Variants in ARHGAP15 observed in about 807,000 individuals in gnomAD.
The protein encoded by ARHGAP15 is Rho GTPase activating protein 15, also known as rho GTPase-activating protein 15.
Under a neutral mutation model 63.7 loss-of-function variants are expected in ARHGAP15, and 51 were observed. That is an observed-to-expected ratio of 0.80 (90% CI 0.64 to 1.01). The LOEUF (loss-of-function observed/expected upper bound fraction) is 1.01, where lower values mean the gene tolerates loss of function less well. Among genes scored for constraint, ARHGAP15 ranks in the 50% least tolerant of loss-of-function variants. ARHGAP15 has a pLI of 0.00. For missense variants in ARHGAP15, 560 were observed against 564.6 expected (o/e 0.99, Z 0.08); for synonymous variants, 191 against 193.8 (o/e 0.99, Z 0.12).
At chr2:143,397,862 A>G (rs922800264) in intron 6 of ARHGAP15, among the ~76,000 whole-genome samples, 1 of 152,132 alleles carries the variant, frequency 6.6e-6, no homozygotes, top group African/African-American at 2.4e-5. Flanking sequence ...AAATGTATAT[A>G]GATAGATTCA....
At chr2:143,433,008 T>C (rs532898093) in intron 6 of ARHGAP15, among the ~76,000 whole-genome samples, 1 of 152,150 alleles carries the variant, frequency 6.6e-6, no homozygotes, top group South Asian at 2.1e-4. Context: ...TCAAAGCCTT[T>C]ATGTCTGTTA....
chr2:143,251,449 A>G (rs2104980676), intron 6 of ARHGAP15, among the ~76,000 whole-genome samples: 1 of 152,080 alleles, frequency 6.6e-6, no homozygotes, highest in Admixed American at 6.5e-5. Context: ...CTTTGCTGAA[A>G]TTAATATTGG....
chr2:143,645,732 A>G (rs1315123063), intron 12 of ARHGAP15, among the ~76,000 whole-genome samples: 1 of 152,112 alleles, frequency 6.6e-6, no homozygotes, highest in African/African-American at 2.4e-5. Flanking sequence ...ATACTATTGA[A>G]GCATCACGTG....
rs571594683 is a variant in ARHGAP15, at chr2:143,592,023, T to C, written c.1004-32110T>C. Among the ~76,000 whole-genome samples the C allele has an allele frequency of 4.6e-5, 7 of 152,326 alleles. No individual in the cohort carries two copies. In the South Asian group the frequency reaches 6.2e-4, roughly 14 times the overall value. On this transcript the variant is annotated intron_variant, in intron 11 of 13. Coordinates refer to ENST00000295095, the MANE Select transcript of ARHGAP15 (RefSeq NM_018460.4). ...AATAAAGCACTATAGTCCATATCTCTGTTTCAAATATTATTTATTAAATTC... is the reference window on the plus strand; with the variant it reads ...AATAAAGCACTATAGTCCATATCTCCGTTTCAAATATTATTTATTAAATTC...
intron 8 of ARHGAP15, among the ~76,000 whole-genome samples, chr2:143,470,420 T>C (rs1267985885): frequency 6.6e-6 from 1 of 151,678 alleles, no homozygotes; most frequent in Non-Finnish European, 1.5e-5. Context: ...ATTAGGTGGT[T>C]TATTTTCTTA....
At chr2:143,629,169 A>C (rs1351881775) in intron 12 of ARHGAP15, among the ~76,000 whole-genome samples, 1 of 128,720 alleles carries the variant, frequency 7.8e-6, no homozygotes, top group Admixed American at 8.7e-5. Flanking sequence ...ACTTTTTAAA[A>C]TAACTTCTTT....
At chr2:143,413,966 T>TGTGCGC in intron 6 of ARHGAP15, among the ~76,000 whole-genome samples, 35 of 117,922 alleles carry the variant, frequency 3.0e-4, no homozygotes, top group African/African-American at 9.9e-4. Context: ...TGTGTGTGTG[T>TGTGCGC]GCGCGCTCTC....
At chr2:143,353,271 C>A (rs1285501287) in intron 6 of ARHGAP15, among the ~76,000 whole-genome samples, 2 of 152,036 alleles carry the variant, frequency 1.3e-5, no homozygotes, top group African/African-American at 4.8e-5. Flanking sequence ...GCCTGGACAA[C>A]AATGTGAGAT....
rs143598930 is a variant in ARHGAP15 at position 143,384,943 on chromosome 2, A to G, written c.475-50658A>G. On this transcript the variant is annotated intron_variant, in intron 6 of 13. Coordinates refer to ENST00000295095, the MANE Select transcript of ARHGAP15 (RefSeq NM_018460.4). ...TCTTTACTTTGGAACACTGAATAAG[A>G]CATTCCTTTATAGAAAGATACTTTG... 3.5e-4 allele frequency among the ~76,000 whole-genome samples: 54 copies of G among 152,318 alleles called. No individual in the cohort carries two copies. The East Asian group carries it at 9.4e-3, about 27-fold the overall frequency.
In ARHGAP15 at chr2:143,637,138, C is replaced by T. The variant is rs1680359845; in HGVS notation, c.1138+12871C>T. On this transcript the variant is annotated intron_variant, in intron 12 of 13. Coordinates refer to ENST00000295095, the MANE Select transcript of ARHGAP15 (RefSeq NM_018460.4). ...AAAGACCCTTCTCCAAATACCATCA[C>T]ATTGAGGGTTAGGGCTTCAATGTAT... 4.6e-5 allele frequency among the ~76,000 whole-genome samples: 7 copies of T among 152,054 alleles called. No individual in the cohort carries two copies. The South Asian group carries it at 1.4e-3, about 31-fold the overall frequency.
intron 11 of ARHGAP15, among the ~76,000 whole-genome samples, chr2:143,613,711 G>T (rs772528663): frequency 1.3e-5 from 2 of 152,072 alleles, no homozygotes; most frequent in Non-Finnish European, 2.9e-5. Context: ...TTCTTTCTCT[G>T]CACCTGTTTC....
At chr2:143,724,265 G>A (rs1008634434) in intron 13 of ARHGAP15, among the ~76,000 whole-genome samples, 6 of 152,144 alleles carry the variant, frequency 3.9e-5, no homozygotes, top group Non-Finnish European at 8.8e-5. Flanking sequence ...CTCTAACCGT[G>A]TCACCTTGGA....
At chr2:143,403,293 A>G (rs1688065315) in intron 6 of ARHGAP15, among the ~76,000 whole-genome samples, 1 of 151,744 alleles carries the variant, frequency 6.6e-6, no homozygotes, top group African/African-American at 2.4e-5. Context: ...TTTTCTTTCA[A>G]CACTCCACTT....
chr2:143,701,459 C>T (rs1018493067), intron 12 of ARHGAP15, among the ~76,000 whole-genome samples: 6 of 152,120 alleles, frequency 3.9e-5, no homozygotes, highest in Non-Finnish European at 5.9e-5. Flanking sequence ...GTGGGCCAGG[C>T]GTGGTGGCTT....
intron 12 of ARHGAP15, among the ~76,000 whole-genome samples, chr2:143,635,194 CTTTTTT>C (rs10558886): frequency 1.5e-4 from 4 of 26,882 alleles, no homozygotes; most frequent in African/African-American, 3.4e-4. Flanking sequence ...CTCTCAGGAG[CTTTTTT>C]TTTTTTTTTT....
At chr2:143,749,712 ATTATAT>A (rs879624291) in intron 13 of ARHGAP15, among the ~76,000 whole-genome samples, 11 of 152,068 alleles carry the variant, frequency 7.2e-5, no homozygotes, top group African/African-American at 1.4e-4. Context: ...ATCATAACAC[ATTATAT>A]TTATATGTTT....
rs759228598 is a variant in ARHGAP15, at chr2:143,205,676, AC to A, written c.234+3477del. On this transcript the variant is annotated intron_variant, in intron 3 of 13. Transcript: ENST00000295095. Reference sequence around the variant, plus strand: ...ACAGAAATGAAATCCCTCAAGTTGAACCCTTCATCAGTGCCTTCTCAAACTG... The same window carrying A: ...ACAGAAATGAAATCCCTCAAGTTGAACCTTCATCAGTGCCTTCTCAAACTG... 9.9e-5 allele frequency among the ~76,000 whole-genome samples: 15 copies of A among 152,020 alleles called. 1 individual carries two copies. In the South Asian group the frequency reaches 1.0e-3, roughly 11 times the overall value.
intron 9 of ARHGAP15, among the ~76,000 whole-genome samples, chr2:143,511,124 A>C (rs986149632): frequency 6.6e-6 from 1 of 152,236 alleles, no homozygotes; most frequent in Non-Finnish European, 1.5e-5. Flanking sequence ...TAACCTGGTT[A>C]TGCTGATGAA....
At chr2:143,654,671 T>C (rs1402322048) in intron 12 of ARHGAP15, among the ~76,000 whole-genome samples, 1 of 152,222 alleles carries the variant, frequency 6.6e-6, no homozygotes, top group East Asian at 1.9e-4. Flanking sequence ...TGACTGACAT[T>C]TCTAGTGTCA....
Sources: gnomAD v4.1 joint callset for allele counts (sites outside exome capture counted in the v4.1 genomes callset) on GRCh38, gnomAD v4.1.1 for gene constraint, MANE v1.5 for transcripts, NCBI Gene and HGNC (gene_info 2026-07-23, HGNC 2026-07-21) for gene names.